Variants in IFT74 observed in about 807,000 individuals in gnomAD.
IFT74 encodes the protein intraflagellar transport 74, also known as intraflagellar transport protein 74 homolog.
Under a neutral mutation model 96.7 loss-of-function variants are expected in IFT74, and 92 were observed. The ratio of observed to expected loss-of-function variants is 0.95; its 90% CI spans 0.80 to 1.13. The LOEUF (loss-of-function observed/expected upper bound fraction) is 1.13. Among genes scored for constraint, IFT74 ranks in the 50% most tolerant of loss-of-function variants. The pLI is 0.00. For missense variants in IFT74, 811 were observed against 698.2 expected (o/e 1.16, Z -1.82); for synonymous variants, 223 against 213.2 (o/e 1.05, Z -0.40).
At chr9:27,025,115 T>G (rs1587374047) in intron 12 of IFT74, among the ~76,000 whole-genome samples, 1 of 152,032 alleles carries the variant, frequency 6.6e-6, no homozygotes, top group Non-Finnish European at 1.5e-5. Flanking sequence ...CAAGGAAAAC[T>G]TCCCTGGCCT....
At chr9:26,995,702 T>C (rs773902693) in intron 8 of IFT74, 11 of 1,613,820 alleles carry the variant, frequency 6.8e-6, no homozygotes, top group South Asian at 1.1e-5. Flanking sequence ...TTCTGCTTCA[T>C]GCTCTTCCAG....
intron 2 of IFT74, 105 bp downstream of exon 2, chr9:26,962,192 C>T (rs777547594): frequency 2.1e-5 from 23 of 1,111,332 alleles, no homozygotes; most frequent in Non-Finnish European, 2.8e-5. Context: ...CACTGCACCC[C>T]AGTTTTTGAG....
chr9:26,948,452 T>A (rs897081150), intron 1 of IFT74, among the ~76,000 whole-genome samples: 7 of 33,824 alleles, frequency 2.1e-4, no homozygotes, highest in Non-Finnish European at 3.2e-4. Flanking sequence ...TCCATTATTT[T>A]TTTTTTTTTT....
intron 12 of IFT74, chr9:27,028,770 A>AG: frequency 4.1e-6 from 1 of 241,218 alleles, no homozygotes; most frequent in Non-Finnish European, 7.8e-6. Flanking sequence ...AAAAAAAAAA[A>AG]AGATCTAGAC....
At chr9:26,968,265 A>G (rs563027138) in intron 2 of IFT74, among the ~76,000 whole-genome samples, 4 of 139,200 alleles carry the variant, frequency 2.9e-5, no homozygotes, top group African/African-American at 1.0e-4. Flanking sequence ...TTAAAAAAAA[A>G]TTTTTTTTTT....
In IFT74 at chr9:26,948,472, T is replaced by A. The variant is rs1000406791; in HGVS notation, c.-20+1326T>A. Reference sequence around the variant, plus strand: ...TATTTTTTTTTTTTTTTTTTTTTTTTTTTTTTTTTTTTTTTTGAGACGGAG... The same window carrying A: ...TATTTTTTTTTTTTTTTTTTTTTTTATTTTTTTTTTTTTTTTGAGACGGAG... On this transcript the variant is annotated intron_variant, in intron 1 of 19. Coordinates refer to the IFT74 transcript ENST00000433700. Among the ~76,000 whole-genome samples the A allele has an allele frequency of 6.6e-5, 7 of 105,554 alleles. 1 individual carries two copies. The highest frequency in any genetic ancestry group is 2.4e-4 in the African/African-American group (6 of 24,608). 69.2% of individuals were successfully genotyped at this position (105,554 alleles called of 152,430 possible).
chr9:27,040,141 A>G (rs1294989195), intron 13 of IFT74, among the ~76,000 whole-genome samples: 2 of 152,220 alleles, frequency 1.3e-5, no homozygotes, highest in African/African-American at 4.8e-5. Context: ...GGAGAGTGAC[A>G]TCTTCTTGGA....
rs1424189708 is a variant in IFT74, at chr9:27,016,957, A to C, written c.840A>C (p.Lys280Asn). The change falls in exon 11 of 20, where the codon AAA becomes AAC. Residue 280 changes from lysine (K) to asparagine (N), a missense_variant. Physicochemically the swap from Lys to Asn is moderately conservative, Grantham distance 94 (BLOSUM62 0). Transcript: ENST00000380062. ...AGGAGGCGGTATTGCTGCATGAAAA[A>C]CTTTATGAGTTGGAGTCCCATCGAG... ...VKQEAVLLHE[K>N]LYELESHRDQ... is the part of the protein sequence containing the mutation. 1 of 1,611,472 alleles carries C rather than the reference A, an allele frequency of 6.2e-7. No individual in the cohort carries two copies. Among genetic ancestry groups the C allele is most frequent in the African/African-American group, 1.3e-5 (1 of 74,984 alleles).
chr9:26,989,012 A>G (rs944279145), intron 7 of IFT74, among the ~76,000 whole-genome samples: 1 of 152,160 alleles, frequency 6.6e-6, no homozygotes, highest in Non-Finnish European at 1.5e-5. Context: ...ATTTCCTTAT[A>G]TATATTAGTT....
At chr9:27,009,845 A>G (rs1828966572) in intron 9 of IFT74, among the ~76,000 whole-genome samples, 1 of 152,192 alleles carries the variant, frequency 6.6e-6, no homozygotes, top group South Asian at 2.1e-4. Flanking sequence ...TTATTGATAC[A>G]CAATTGTACA....
intron 15 of IFT74, 107 bp from the exon 16 acceptor site, chr9:27,048,041 A>T (rs1007512500): frequency 3.5e-5 from 24 of 680,968 alleles, no homozygotes; most frequent in Non-Finnish European, 5.1e-5. Context: ...TTCAAAAAAA[A>T]TACCTGATCC....
chr9:27,061,186 C>T (rs1820407671), intron 19 of IFT74, among the ~76,000 whole-genome samples: 1 of 151,768 alleles, frequency 6.6e-6, no homozygotes, highest in Admixed American at 6.6e-5. Context: ...CACGTGCCCT[C>T]AAGTAACTAA....
intron 13 of IFT74, among the ~76,000 whole-genome samples, chr9:27,032,004 G>T (rs974337791): frequency 1.3e-5 from 2 of 151,966 alleles, no homozygotes; most frequent in East Asian, 3.9e-4. Context: ...GAGCCACTGT[G>T]CCTGGTGTTT....
intron 14 of IFT74, among the ~76,000 whole-genome samples, chr9:27,046,284 C>T (rs1209226009): frequency 1.3e-5 from 2 of 152,112 alleles, no homozygotes; most frequent in Admixed American, 1.3e-4. Context: ...TTGTGGTCCT[C>T]TACCACCATA....
chr9:26,965,772 C>T, intron 2 of IFT74, among the ~76,000 whole-genome samples: 1 of 152,030 alleles, frequency 6.6e-6, no homozygotes, highest in East Asian at 1.9e-4. Flanking sequence ...AATTTAGCAA[C>T]CCTCACCTTC....
At chr9:27,013,602 T>C (rs960572457) in intron 10 of IFT74, among the ~76,000 whole-genome samples, 6 of 152,376 alleles carry the variant, frequency 3.9e-5, no homozygotes, top group African/African-American at 1.4e-4. Context: ...GCTATTTTGA[T>C]AGGTAAAAAT....
chr9:27,040,485 G>A (rs556734600), intron 13 of IFT74, among the ~76,000 whole-genome samples: 1 of 145,100 alleles, frequency 6.9e-6, no homozygotes, highest in Admixed American at 7.2e-5. Flanking sequence ...GGAGGCGGAG[G>A]TTGCAGCTGA....
Position 27,063,066 on chromosome 9 carries a change from T to C in IFT74, c.*330T>C, listed in dbSNP as rs1820495928. 2 of 212,600 alleles carry C rather than the reference T, an allele frequency of 9.4e-6. No homozygotes were observed. Among genetic ancestry groups the C allele is most frequent in the South Asian group, 1.8e-4 (2 of 11,304 alleles). 13.2% of individuals were successfully genotyped at this position (212,600 alleles called of 1,614,324 possible). On this transcript the variant is annotated 3_prime_UTR_variant, in exon 20 of 20. Coordinates refer to ENST00000380062, the MANE Select transcript of IFT74 (RefSeq NM_025103.4). ...TGAGATAAGCTTTTCTTGTATCAACTCTAGGACGGATGCATGGAGTATGAT... is the reference window on the plus strand; with the variant it reads ...TGAGATAAGCTTTTCTTGTATCAACCCTAGGACGGATGCATGGAGTATGAT...
intron 2 of IFT74, among the ~76,000 whole-genome samples, chr9:26,965,301 C>T (rs1476559134): frequency 6.6e-6 from 1 of 152,166 alleles, no homozygotes; most frequent in Non-Finnish European, 1.5e-5. Flanking sequence ...AGGGCCAATA[C>T]TCAACCTCCT....
Sources: gnomAD v4.1 joint callset for allele counts (sites outside exome capture counted in the v4.1 genomes callset) on GRCh38, gnomAD v4.1.1 for gene constraint, MANE v1.5 for transcripts, NCBI Gene and HGNC (gene_info 2026-07-23, HGNC 2026-07-21) for gene names.